Variants in FNBP1 observed in about 807,000 individuals in gnomAD.
FNBP1 encodes formin-binding protein 1.
FNBP1 carries 26 observed loss-of-function variants against 90.6 expected under a neutral mutation model. That is an observed-to-expected ratio of 0.29 (90% CI 0.21 to 0.40). The LOEUF (loss-of-function observed/expected upper bound fraction) is 0.40. FNBP1 is among the 10% of genes least tolerant of loss of function. FNBP1 has a pLI of 1.00. For synonymous variants in FNBP1, 260 were observed against 265.2 expected (o/e 0.98, Z 0.19); for missense variants, 635 against 768.0 (o/e 0.83, Z 2.05).
chr9:129,997,009 T>A (rs1051848602), intron 1 of FNBP1, among the ~76,000 whole-genome samples: 36 of 151,808 alleles, frequency 2.4e-4, no homozygotes, highest in Non-Finnish European at 5.0e-4. Flanking sequence ...TGTTTTTTTT[T>A]AAAACCACTT....
At chr9:129,979,278 C>T (rs773544965) in intron 3 of FNBP1, 40 bp downstream of exon 3, 1 of 1,186,984 alleles carries the variant, frequency 8.4e-7, no homozygotes, top group Non-Finnish European at 1.2e-6. Context: ...TCATCAATGG[C>T]ATGTGTCTAT....
intron 11 of FNBP1, among the ~76,000 whole-genome samples, chr9:129,913,224 CA>C (rs1564308940): frequency 3.3e-5 from 5 of 151,896 alleles, no homozygotes; most frequent in Admixed American, 1.3e-4. Context: ...AAAACAAAAA[CA>C]AAAAACTCAA....
chr9:129,998,875 C>T (rs937239440), intron 1 of FNBP1, among the ~76,000 whole-genome samples: 2 of 152,074 alleles, frequency 1.3e-5, no homozygotes, highest in African/African-American at 4.8e-5. Context: ...TATAATAAAG[C>T]GTTTACCAAG....
At position 129,923,949 on chromosome 9, in the gene FNBP1, G is replaced by A. The variant is rs376103384; in HGVS notation, c.1065C>T (p.Asn355=). 251 of 1,580,612 alleles carry A rather than the reference G, an allele frequency of 1.6e-4. No individual in the cohort carries two copies. In the African/African-American group the frequency reaches 1.9e-3, roughly 12 times the overall value. The change falls in exon 10 of 17, where the codon AAC becomes AAT. Residue 355 remains asparagine (N), a synonymous_variant. Coordinates refer to ENST00000446176, the MANE Select transcript of FNBP1 (RefSeq NM_015033.3). ...TTTGCTGCTTGGGAGACTGGGGGCC[G>A]TTGGGAACAGCAGAGGGTGAGGCAG... ...PASASPSAVP[N]GPQSPKQQKE...
At chr9:129,924,870 C>T in intron 9 of FNBP1, 90 bp downstream of exon 9, 1 of 1,116,770 alleles carries the variant, frequency 9.0e-7, no homozygotes, top group Middle Eastern at 2.4e-4. Flanking sequence ...TCTGAAACTA[C>T]AGGTTTAGGA....
chr9:129,995,299 C>T (rs917320026), intron 1 of FNBP1, among the ~76,000 whole-genome samples: 3 of 152,192 alleles, frequency 2.0e-5, no homozygotes, highest in Non-Finnish European at 4.4e-5. Flanking sequence ...CAGCCACACA[C>T]GGTTTGCACC....
intron 1 of FNBP1, chr9:130,014,166 C>A (rs1462253930): frequency 4.8e-6 from 2 of 414,734 alleles, no homozygotes; most frequent in African/African-American, 2.1e-5. Context: ...AATAGGGTGG[C>A]AGAGGCTTAG....
intron 6 of FNBP1, 138 bp from the exon 7 acceptor site, chr9:129,929,833 T>A: frequency 1.4e-6 from 1 of 736,524 alleles, no homozygotes; most frequent in Non-Finnish European, 2.2e-6. Context: ...GGGTGCTTTT[T>A]AATGTTCTGA....
intron 12 of FNBP1, among the ~76,000 whole-genome samples, chr9:129,908,282 C>A (rs1261483092): frequency 6.6e-6 from 1 of 150,576 alleles, no homozygotes; most frequent in Non-Finnish European, 1.5e-5. Context: ...TAGCTCACTG[C>A]AGCCAGGACC....
rs538153080 is a variant in FNBP1 at position 129,889,324 on chromosome 9, C to T, written c.*1215G>A. On this transcript the variant is annotated 3_prime_UTR_variant, in exon 17 of 17. Transcript: ENST00000446176. ...GTAGCTCACACCTGTAATCTCAGCA[C>T]TTTGGGAGGCTGAGGCGGGCGGATC... 4.2e-4 allele frequency: 77 copies of T among 182,422 alleles called. 1 individual carries two copies. The highest frequency in any genetic ancestry group is 1.8e-3 in the African/African-American group (77 of 42,552). The allele number at this position is 182,422 out of a possible 1,614,324, so 11.3% of individuals were successfully genotyped here. A position where few individuals can be genotyped will look rare whatever the true frequency, so the allele number is the denominator to read the frequency against.
At chr9:129,919,099 G>A in intron 10 of FNBP1, 1 of 667,328 alleles carries the variant, frequency 1.5e-6, no homozygotes, top group Non-Finnish European at 2.4e-6. Flanking sequence ...TCTTGGTGCT[G>A]TGAATGGGGT....
At chr9:129,914,053 A>G (rs2131645260) in intron 11 of FNBP1, among the ~76,000 whole-genome samples, 1 of 151,496 alleles carries the variant, frequency 6.6e-6, no homozygotes, top group Admixed American at 6.6e-5. Flanking sequence ...GTCAGGTTTC[A>G]CCATGCTGCT....
rs1281004652 is a variant in FNBP1 at position 129,993,687 on chromosome 9, C to A, written c.140+1156G>T. Among the ~76,000 whole-genome samples, 3 of 146,012 alleles carry A rather than the reference C, an allele frequency of 2.1e-5. No individual in the cohort carries two copies. In the East Asian group the frequency reaches 6.2e-4, roughly 30 times the overall value. ...TCACCCAGGCTAGAGTGCAGTGGCA[C>A]AATCTCAGCTCACTGCAACCTCCAC... On this transcript the variant is annotated intron_variant, in intron 2 of 16. Transcript: ENST00000446176.
chr9:130,032,167 CT>C (rs769360352), intron 1 of FNBP1, among the ~76,000 whole-genome samples: 3,408 of 142,294 alleles, frequency 0.024, 106 homozygotes, highest in African/African-American at 0.079. Flanking sequence ...TTAAAATAAA[CT>C]TTTTTTTTTT....
chr9:129,986,511 G>T (rs2052270495), intron 2 of FNBP1, among the ~76,000 whole-genome samples: 1 of 152,192 alleles, frequency 6.6e-6, no homozygotes, highest in Non-Finnish European at 1.5e-5. Flanking sequence ...CTAAAGATAG[G>T]CCGGGCGTGG....
At chr9:129,926,607 C>T (rs1307012136) in intron 8 of FNBP1, among the ~76,000 whole-genome samples, 1 of 152,116 alleles carries the variant, frequency 6.6e-6, no homozygotes, top group Non-Finnish European at 1.5e-5. Context: ...CCTGTTTTGG[C>T]CGGGTGCAGT....
At chr9:129,963,212 T>A (rs925393078) in intron 4 of FNBP1, among the ~76,000 whole-genome samples, 3 of 152,168 alleles carry the variant, frequency 2.0e-5, no homozygotes, top group Non-Finnish European at 4.4e-5. Context: ...TCCCTCCAGC[T>A]TGGGGCAATG....
At chr9:129,982,023 C>T (rs955289307) in intron 2 of FNBP1, among the ~76,000 whole-genome samples, 4 of 152,066 alleles carry the variant, frequency 2.6e-5, no homozygotes, top group Admixed American at 6.6e-5. Flanking sequence ...ATTCTAGATG[C>T]AAAATAATGT....
At chr9:129,971,110 C>G (rs1456220627) in intron 4 of FNBP1, among the ~76,000 whole-genome samples, 2 of 151,666 alleles carry the variant, frequency 1.3e-5, no homozygotes, top group East Asian at 3.9e-4. Context: ...TCAGGCTGGT[C>G]TGGAACTCCT....
Sources: gnomAD v4.1 joint callset for allele counts (sites outside exome capture counted in the v4.1 genomes callset) on GRCh38, gnomAD v4.1.1 for gene constraint, MANE v1.5 for transcripts, NCBI Gene and HGNC (gene_info 2026-07-23, HGNC 2026-07-21) for gene names.